Variants in VPS9D1 observed in about 807,000 individuals in gnomAD.
VPS9D1 encodes VPS9 domain containing 1.
VPS9D1 carries 78 observed loss-of-function variants against 75.8 expected under a neutral mutation model. The ratio of observed to expected loss-of-function variants is 1.03; its 90% CI spans 0.86 to 1.24. VPS9D1 has a LOEUF of 1.24. Ranked by LOEUF, VPS9D1 falls within the 50% of genes most tolerant of loss-of-function variation. The probability of loss-of-function intolerance (pLI) is 0.00; values close to 1 mark genes in which losing one functional copy is unlikely to be tolerated. For synonymous variants in VPS9D1, 481 were observed against 385.6 expected (o/e 1.25, Z -2.90); for missense variants, 1,057 against 847.7 (o/e 1.25, Z -3.07).
Position 89,710,606 on chromosome 16 carries a change from T to G in VPS9D1, c.1238A>C (p.Glu413Ala). The G allele has an allele frequency of 2.5e-6, 4 of 1,604,388 alleles. No homozygotes were observed. Among genetic ancestry groups the G allele is most frequent in the Non-Finnish European group, 3.4e-6 (4 of 1,173,088 alleles). Residue 413 changes from glutamate to alanine, a missense_variant, in exon 10 of 15, where the codon GAG becomes GCG. Physicochemically the swap from Glu to Ala is moderately radical, Grantham distance 107. Transcript: ENST00000389386. ...CTCACCTACGGCATTGTGGATCTCC[T>G]CCACCGCGGTCTTCAGCTGCTGCAG... ...PQLQQLKTAVEEIHNAVDRLL... is the reference protein window; with the variant it reads ...PQLQQLKTAVAEIHNAVDRLL...
chr16:89,709,233 A>C lies in VPS9D1; in HGVS notation c.1591T>G (p.Cys531Gly). ...LESCPQKKLE[C>G]IVRTLRIICV... ...GACTCTCGAACCTGCTGACCTATGC[A>C]CTCCAGCTTCTTCTGGGGGCAGCTC... The change falls in exon 12 of 15, where the codon TGC becomes GGC. Residue 531 changes from cysteine (C) to glycine (G), a missense_variant. Physicochemically the swap from Cys to Gly is radical, Grantham distance 159. Coordinates refer to ENST00000389386, the MANE Select transcript of VPS9D1 (RefSeq NM_004913.3). 1 of 1,611,480 alleles carries C rather than the reference A, an allele frequency of 6.2e-7. No individual in the cohort carries two copies.
Position 89,711,388 on chromosome 16 carries a change from T to C in VPS9D1, c.772A>G (p.Lys258Glu). ...AGGTCCCCCGGATTCCTCTTGAGCTTGGCCTTCCAGTGCTTCGGCCAGTCC... is the reference window on the plus strand; with the variant it reads ...AGGTCCCCCGGATTCCTCTTGAGCTCGGCCTTCCAGTGCTTCGGCCAGTCC... ...DHDWPKHWKAKLKRNPGDLSL... is the reference protein window; with the variant it reads ...DHDWPKHWKAELKRNPGDLSL... The change falls in exon 9 of 15, where the codon AAG becomes GAG. Residue 258 changes from lysine (K) to glutamate (E), a missense_variant. Lys to Glu is a moderately conservative substitution (Grantham distance 56). Coordinates refer to ENST00000389386, the MANE Select transcript of VPS9D1 (RefSeq NM_004913.3). 1 of 1,610,478 alleles carries C rather than the reference T, an allele frequency of 6.2e-7. No individual in the cohort carries two copies. Among genetic ancestry groups the C allele is most frequent in the Non-Finnish European group, 8.5e-7 (1 of 1,178,450 alleles).
intron 10 of VPS9D1, among the ~76,000 whole-genome samples, chr16:89,710,342 T>A (rs1161663672): frequency 6.6e-6 from 1 of 152,068 alleles, no homozygotes; most frequent in Non-Finnish European, 1.5e-5. Context: ...TCCCAGCACT[T>A]TGGGAGGCCG....
rs778936154 is a variant in VPS9D1 at position 89,716,743 on chromosome 16, C to T, written c.255G>A (p.Thr85=). ...AQQCLERAQS[T]AAKLGKTRLK... ...CAGGAGACCCACCAAGCTTGGCGGC[C>T]GTCGACTGGGCCCTCTCCAGACACT... Residue 85 remains threonine (T), a synonymous_variant, in exon 3 of 15, where the codon ACG becomes ACA. Coordinates refer to ENST00000389386, the MANE Select transcript of VPS9D1 (RefSeq NM_004913.3). The T allele has an allele frequency of 1.2e-5, 19 of 1,588,508 alleles. No homozygotes were observed. The Admixed American group carries it at 2.2e-4, about 19-fold the overall frequency.
chr16:89,709,729 G>A (rs941473800), intron 11 of VPS9D1, 48 bp downstream of exon 11: 4 of 1,612,064 alleles, frequency 2.5e-6, no homozygotes, highest in Non-Finnish European at 2.5e-6. Context: ...GGGGGACTGG[G>A]CTGGAAGACA....
At chr16:89,714,019 C>A (rs1423320166) in intron 4 of VPS9D1, among the ~76,000 whole-genome samples, 1 of 152,148 alleles carries the variant, frequency 6.6e-6, no homozygotes. Flanking sequence ...TCACTGCAAC[C>A]TCCGCCTCCT....
rs929854113 is a variant in VPS9D1 at position 89,712,298 on chromosome 16, C to T, written c.606+162G>A. 2.3e-6 allele frequency: 3 copies of T among 1,328,618 alleles called. No homozygotes were observed. The African/African-American group carries it at 4.5e-5, about 20-fold the overall frequency. 82.3% of individuals were successfully genotyped at this position (1,328,618 alleles called of 1,614,324 possible). On this transcript the variant is annotated intron_variant, in intron 6 of 14. Transcript: ENST00000389386. ...GCCAGAGAACATGGGGGACGGCGGCCGGGCCTTCCCCTGAGACCCTGCCTC... is the reference window on the plus strand; with the variant it reads ...GCCAGAGAACATGGGGGACGGCGGCTGGGCCTTCCCCTGAGACCCTGCCTC...
chr16:89,712,912 A>C, intron 4 of VPS9D1, 196 bp from the exon 5 acceptor site: 1 of 505,244 alleles, frequency 2.0e-6, no homozygotes, highest in Middle Eastern at 5.2e-4. Flanking sequence ...GGCCAGGTGC[A>C]GTGGCTCCCG....
At position 89,709,796 on chromosome 16, in the gene VPS9D1, G is replaced by A. The variant is rs145117193; in HGVS notation, c.1369C>T (p.Leu457=). The change falls in exon 11 of 15, where the codon CTG becomes TTG. Residue 457 remains leucine (L), a synonymous_variant. Coordinates refer to ENST00000389386, the MANE Select transcript of VPS9D1 (RefSeq NM_004913.3). The part of the protein sequence containing the change: ...EEPFFSPLWP[L]LLALYRSVHR... The stretch of plus-strand genomic sequence containing the variant: ...CCATACCTGTACAGGGCCAGCAGCA[G>A]AGGCCACAGCGGGGAGAAAAAGGGT... The A allele has an allele frequency of 1.2e-6, 2 of 1,613,710 alleles. No homozygotes were observed. Among genetic ancestry groups the A allele is most frequent in the South Asian group, 2.2e-5 (2 of 91,074 alleles).
At chr16:89,713,549 C>T (rs766915270) in intron 4 of VPS9D1, among the ~76,000 whole-genome samples, 38 of 151,956 alleles carry the variant, frequency 2.5e-4, no homozygotes, top group Non-Finnish European at 4.9e-4. Context: ...CTACCGCGCC[C>T]GGCCGGACTT....
chr16:89,710,032 A>G, intron 10 of VPS9D1, 126 bp from the exon 11 acceptor site: 1 of 1,325,252 alleles, frequency 7.5e-7, no homozygotes. Flanking sequence ...TCCTGCACCC[A>G]CCCCTGACCC....
rs1426614007 is a variant in VPS9D1 at position 89,708,441 on chromosome 16, C to T, written c.1788G>A (p.Glu596=). The part of the protein sequence containing the change: ...QLVSECAALE[E]FIHEGYLIGE... Reference sequence around the variant, plus strand: ...CCAGGGTCTACCCCTCGTGGATGAACTCCTCCAGGGCCGCGCACTCCGACA... The same window carrying T: ...CCAGGGTCTACCCCTCGTGGATGAATTCCTCCAGGGCCGCGCACTCCGACA... Residue 596 remains glutamate (E), a synonymous_variant, in exon 14 of 15, where the codon GAG becomes GAA. Coordinates refer to ENST00000389386, the MANE Select transcript of VPS9D1 (RefSeq NM_004913.3). The T allele has an allele frequency of 1.9e-6, 3 of 1,612,192 alleles. No homozygotes were observed. The highest frequency in any genetic ancestry group is 2.2e-5 in the South Asian group (2 of 90,868).
intron 11 of VPS9D1, 104 bp downstream of exon 11, chr16:89,709,673 G>A (rs756869823): frequency 3.2e-6 from 5 of 1,557,628 alleles, no homozygotes; most frequent in Non-Finnish European, 3.5e-6. Flanking sequence ...ACGAGTCTTG[G>A]GGATGGAGGG....
rs2060914876 is a variant in VPS9D1 at position 89,711,380 on chromosome 16, C to T, written c.780G>A (p.Lys260=). 1 of 1,610,768 alleles carries T rather than the reference C, an allele frequency of 6.2e-7. No homozygotes were observed. Among genetic ancestry groups the T allele is most frequent in the South Asian group, 1.1e-5 (1 of 90,288 alleles). Residue 260 remains lysine (K), a synonymous_variant, in exon 9 of 15, where the codon AAG becomes AAA. Coordinates refer to ENST00000389386, the MANE Select transcript of VPS9D1 (RefSeq NM_004913.3). ...DWPKHWKAKL[K]RNPGDLSLVT... ...CGAGTGACAGGTCCCCCGGATTCCTCTTGAGCTTGGCCTTCCAGTGCTTCG... is the reference window on the plus strand; with the variant it reads ...CGAGTGACAGGTCCCCCGGATTCCTTTTGAGCTTGGCCTTCCAGTGCTTCG...
Position 89,712,655 on chromosome 16 carries a change from C to A in VPS9D1, c.493G>T (p.Ala165Ser). 1 of 1,612,260 alleles carries A rather than the reference C, an allele frequency of 6.2e-7. No individual in the cohort carries two copies. The highest frequency in any genetic ancestry group is 8.5e-7 in the Non-Finnish European group (1 of 1,179,002). The change falls in exon 5 of 15, where the codon GCC becomes TCC. Residue 165 changes from alanine to serine, a missense_variant. Physicochemically the swap from Ala to Ser is moderately conservative, Grantham distance 99. Coordinates refer to ENST00000389386, the MANE Select transcript of VPS9D1 (RefSeq NM_004913.3). ...QNQKLKAAYE[A>S]RMARLDPSQA... ...CTGGGGTCTAGCCGCGCCATTCGGGCCTCATACGCAGCCTTCAGCTTCTGA... is the reference window on the plus strand; with the variant it reads ...CTGGGGTCTAGCCGCGCCATTCGGGACTCATACGCAGCCTTCAGCTTCTGA...
chr16:89,716,845 G>A (rs1393025418), intron 2 of VPS9D1, 23 bp from the exon 3 acceptor site: 5 of 1,571,228 alleles, frequency 3.2e-6, no homozygotes, highest in East Asian at 2.3e-5. Flanking sequence ...CAAGAAGGCT[G>A]GTCACAGTCG....
chr16:89,710,947 C>G lies in VPS9D1; in HGVS notation c.897G>C (p.Leu299=). 5.4e-6 allele frequency: 8 copies of G among 1,474,800 alleles called. No individual in the cohort carries two copies. Among genetic ancestry groups the G allele is most frequent in the Non-Finnish European group, 7.2e-6 (8 of 1,118,108 alleles). 91.4% of individuals were successfully genotyped at this position (1,474,800 alleles called of 1,614,324 possible). A position where few individuals can be genotyped will look rare whatever the true frequency, so the allele number is the denominator to read the frequency against. The change falls in exon 10 of 15, where the codon CTG becomes CTC. Residue 299 remains leucine, a synonymous_variant. Transcript: ENST00000389386. ...RRLQCSVYSA[L]YPAVSRAAAP... ...CGGCTGCTCTGCTCACGGCGGGATA[C>G]AGGGCGCTGTACACGGAGCACTGCA...
intron 1 of VPS9D1, among the ~76,000 whole-genome samples, chr16:89,719,645 A>T (rs549601687): frequency 3.3e-5 from 5 of 152,150 alleles, no homozygotes; most frequent in Non-Finnish European, 7.4e-5. Flanking sequence ...TGCACACAGG[A>T]GCCTAGAACT....
Position 89,709,808 on chromosome 16 carries a change from G to A in VPS9D1, c.1357C>T (p.Pro453Ser). ...LACIEEPFFSPLWPLLLALYR... is the reference protein window; with the variant it reads ...LACIEEPFFSSLWPLLLALYR... ...AGGGCCAGCAGCAGAGGCCACAGCG[G>A]GGAGAAAAAGGGTTCCTCAATGCAG... Residue 453 changes from proline to serine, a missense_variant, in exon 11 of 15, where the codon CCG (proline) becomes TCG (serine). By Grantham distance (74) the Pro-to-Ser change is moderately conservative. Coordinates refer to ENST00000389386, the MANE Select transcript of VPS9D1 (RefSeq NM_004913.3). The A allele has an allele frequency of 6.2e-7, 1 of 1,613,786 alleles. No individual in the cohort carries two copies. Among genetic ancestry groups the A allele is most frequent in the Non-Finnish European group, 8.5e-7 (1 of 1,179,944 alleles).
Sources: allele counts gnomAD v4.1 joint callset (sites outside exome capture counted in the v4.1 genomes callset), GRCh38; gene constraint gnomAD v4.1.1; transcripts MANE v1.5; gene names NCBI Gene and HGNC (gene_info 2026-07-23, HGNC 2026-07-21).